The following FHOD3 variants were observed in gnomAD, a reference collection of about 807,000 sequenced individuals.
FHOD3 encodes formin homology 2 domain containing 3.
A neutral mutation model predicts 173.0 loss-of-function variants in FHOD3; 90 were observed. The observed-to-expected ratio is 0.52, with a 90% confidence interval of 0.44 to 0.62. The LOEUF is 0.62. Ranked by LOEUF, FHOD3 falls within the 20% of genes least tolerant of loss-of-function variation. The probability of loss-of-function intolerance (pLI) is 0.00; values close to 1 mark genes in which losing one functional copy is unlikely to be tolerated. For missense variants in FHOD3, 1,945 were observed against 2,034.7 expected, an observed-to-expected ratio of 0.96 and a Z score of 0.85; for synonymous variants, 828 against 823.0, an observed-to-expected ratio of 1.01 and a Z score of -0.10.
intron 17 of FHOD3, among the ~76,000 whole-genome samples, chr18:36,696,699 G>T (rs1235789426): frequency 6.6e-6 from 1 of 152,100 alleles, no homozygotes; most frequent in South Asian, 2.1e-4. Flanking sequence ...CCCTCTTGTG[G>T]GCTTAGCAGA....
chr18:36,597,896 T>A (rs1454061916), intron 7 of FHOD3, among the ~76,000 whole-genome samples: 1 of 152,070 alleles, frequency 6.6e-6, no homozygotes, highest in Non-Finnish European at 1.5e-5. Context: ...TATGGACATG[T>A]GTGGTCTTGG....
chr18:36,457,681 A>G (rs892923014), intron 3 of FHOD3, among the ~76,000 whole-genome samples: 1 of 152,138 alleles, frequency 6.6e-6, no homozygotes. Context: ...ACAGGTGAAG[A>G]GTTGTATGTC....
chr18:36,598,810 A>C (rs910136430), intron 7 of FHOD3, among the ~76,000 whole-genome samples: 3 of 152,134 alleles, frequency 2.0e-5, no homozygotes, highest in African/African-American at 7.2e-5. Context: ...CGGCCTCCCA[A>C]AGTGCTGGGA....
intron 1 of FHOD3, among the ~76,000 whole-genome samples, chr18:36,327,673 A>G: frequency 6.6e-6 from 1 of 152,150 alleles, no homozygotes; most frequent in East Asian, 1.9e-4. Context: ...TGCGGTTTGA[A>G]CCTCCTGGAA....
intron 26 of FHOD3, among the ~76,000 whole-genome samples, chr18:36,759,408 G>T (rs537863968): frequency 3.6e-4 from 55 of 152,320 alleles, no homozygotes; most frequent in African/African-American, 1.3e-3. Flanking sequence ...CAAGTGGCAG[G>T]TTTAGCAGGT....
intron 5 of FHOD3, among the ~76,000 whole-genome samples, chr18:36,557,227 T>G (rs2057923242): frequency 1.3e-5 from 2 of 152,206 alleles, no homozygotes; most frequent in Admixed American, 1.3e-4. Flanking sequence ...TTCAGCATTA[T>G]ATCTTCAAAT....
chr18:36,370,025 A>G (rs1023120040), intron 2 of FHOD3, among the ~76,000 whole-genome samples: 2 of 152,222 alleles, frequency 1.3e-5, no homozygotes, highest in Non-Finnish European at 2.9e-5. Context: ...TAGTACCTAC[A>G]TCAGAGGTGG....
At chr18:36,389,001 C>T (rs780469220) in intron 3 of FHOD3, among the ~76,000 whole-genome samples, 1 of 152,008 alleles carries the variant, frequency 6.6e-6, no homozygotes, top group African/African-American at 2.4e-5. Flanking sequence ...CCCTGATAGG[C>T]GCTTCTTGCC....
intron 5 of FHOD3, among the ~76,000 whole-genome samples, chr18:36,519,955 A>ATTT (rs11449846): frequency 0.052 from 6,863 of 132,012 alleles, 281 homozygotes; most frequent in East Asian, 0.18. Context: ...CTTTTCTTTC[A>ATTT]TTTTTTTTTT....
At chr18:36,687,234 A>G in intron 16 of FHOD3, 56 bp downstream of exon 16, 1 of 1,272,614 alleles carries the variant, frequency 7.9e-7, no homozygotes, top group Admixed American at 1.8e-5. Flanking sequence ...TTGCACTGTT[A>G]ACCTAGCATG....
intron 22 of FHOD3, among the ~76,000 whole-genome samples, chr18:36,743,463 A>AT (rs1183698821): frequency 2.0e-5 from 3 of 151,748 alleles, no homozygotes; most frequent in African/African-American, 7.3e-5. Flanking sequence ...CTTCTGCCCC[A>AT]TTTTTTTTCT....
At chr18:36,308,860 TAGGGTGG>T (rs2048744573) in intron 1 of FHOD3, among the ~76,000 whole-genome samples, 1 of 152,214 alleles carries the variant, frequency 6.6e-6, no homozygotes, top group Non-Finnish European at 1.5e-5. Context: ...AAAGTGTCTG[TAGGGTGG>T]AGCCTTAGCC....
At chr18:36,755,001 TTA>T in intron 24 of FHOD3, 116 bp from the exon 25 acceptor site, 1 of 208,080 alleles carries the variant, frequency 4.8e-6, no homozygotes, top group Non-Finnish European at 9.0e-6. Flanking sequence ...ATTATTATTA[TTA>T]TTATTATTAT....
At chr18:36,636,796 A>G (rs2957175) in intron 10 of FHOD3, among the ~76,000 whole-genome samples, 131,258 of 151,906 alleles carry the variant, frequency 0.86, 56,834 homozygotes, top group East Asian at 1. Flanking sequence ...GTCCTTGGAT[A>G]GAGCAGGGAT....
intron 10 of FHOD3, among the ~76,000 whole-genome samples, chr18:36,628,278 A>G (rs2034261310): frequency 6.6e-6 from 1 of 152,200 alleles, no homozygotes; most frequent in South Asian, 2.1e-4. Context: ...ACTAAGGGCT[A>G]TGACCAAGGG....
At chr18:36,540,049 C>A (rs1228491557) in intron 5 of FHOD3, among the ~76,000 whole-genome samples, 9 of 152,148 alleles carry the variant, frequency 5.9e-5, no homozygotes, top group African/African-American at 2.2e-4. Flanking sequence ...AGCATATTTT[C>A]CAGAGATCAA....
intron 1 of FHOD3, among the ~76,000 whole-genome samples, chr18:36,332,124 A>G (rs75833045): frequency 0.011 from 1,737 of 152,258 alleles, 35 homozygotes; most frequent in African/African-American, 0.039. Flanking sequence ...CATTGTGCTC[A>G]CTGTAAAGGA....
At chr18:36,324,798 T>C (rs1380993282) in intron 1 of FHOD3, among the ~76,000 whole-genome samples, 1 of 152,244 alleles carries the variant, frequency 6.6e-6, no homozygotes, top group Admixed American at 6.5e-5. Context: ...GCTGAACATA[T>C]GCATGGTCTG....
At chr18:36,476,737 C>A (rs2053596143) in intron 3 of FHOD3, among the ~76,000 whole-genome samples, 1 of 152,228 alleles carries the variant, frequency 6.6e-6, no homozygotes. Context: ...AAAGCAATCT[C>A]TTGACCTTTC....
Sources: gnomAD v4.1 joint callset for allele counts (sites outside exome capture counted in the v4.1 genomes callset) on GRCh38, gnomAD v4.1.1 for gene constraint, MANE v1.5 for transcripts, NCBI Gene and HGNC (gene_info 2026-07-23, HGNC 2026-07-21) for gene names.